The following STK3 variants were observed in gnomAD, a reference collection of about 807,000 sequenced individuals.
STK3 encodes serine/threonine kinase 3, also known as serine/threonine-protein kinase 3.
A neutral mutation model predicts 58.0 loss-of-function variants in STK3; 41 were observed. The ratio of observed to expected loss-of-function variants is 0.71; its 90% CI spans 0.55 to 0.92. The LOEUF (loss-of-function observed/expected upper bound fraction) is 0.92. Among genes scored for constraint, STK3 ranks in the 40% least tolerant of loss-of-function variants. The probability of loss-of-function intolerance (pLI) is 0.00; values close to 1 mark genes in which losing one functional copy is unlikely to be tolerated. For missense variants in STK3, 479 were observed against 602.7 expected, an observed-to-expected ratio of 0.79 and a Z score of 2.15; for synonymous variants, 170 against 191.0, an observed-to-expected ratio of 0.89 and a Z score of 0.91.
At chr8:98,538,148 A>G (rs1809935577) in intron 9 of STK3, among the ~76,000 whole-genome samples, 1 of 152,244 alleles carries the variant, frequency 6.6e-6, no homozygotes. Flanking sequence ...AAAAAGATTT[A>G]TGAAGATTAC....
At chr8:98,851,739 T>A (rs940149257) in intron 3 of STK3, among the ~76,000 whole-genome samples, 6 of 152,184 alleles carry the variant, frequency 3.9e-5, no homozygotes, top group Non-Finnish European at 7.3e-5. Flanking sequence ...GGCAGGAGAA[T>A]CGCTTGAGGC....
chr8:98,738,607 G>A (rs1175719675), intron 4 of STK3, among the ~76,000 whole-genome samples: 1 of 152,190 alleles, frequency 6.6e-6, no homozygotes, highest in Non-Finnish European at 1.5e-5. Context: ...CTGGATCCGG[G>A]AGCCAAGATG....
rs112235618 is a variant in STK3 at position 98,493,779 on chromosome 8, A to G, written c.1317+32963T>C. Among the ~76,000 whole-genome samples the G allele has an allele frequency of 8.8e-4, 134 of 152,310 alleles. 1 individual carries two copies. The highest frequency in any genetic ancestry group is 3.2e-3 in the African/African-American group (132 of 41,560). Reference sequence around the variant, plus strand: ...TCTTTCTGAATGTCTGATGGTACTTATATAACCAAAATGAATTCATCATAT... The same window carrying G: ...TCTTTCTGAATGTCTGATGGTACTTGTATAACCAAAATGAATTCATCATAT... On this transcript the variant is annotated intron_variant, in intron 10 of 10. Coordinates refer to ENST00000419617, the MANE Select transcript of STK3 (RefSeq NM_006281.4).
intron 3 of STK3, among the ~76,000 whole-genome samples, chr8:98,433,447 G>A (rs961406224): frequency 6.6e-6 from 1 of 152,140 alleles, no homozygotes; most frequent in Non-Finnish European, 1.5e-5. Context: ...CTGAGTATGG[G>A]CCGGTCCAAA....
intron 6 of STK3, among the ~76,000 whole-genome samples, chr8:98,639,109 A>G (rs1410909869): frequency 1.4e-5 from 2 of 146,650 alleles, no homozygotes; most frequent in East Asian, 4.0e-4. Flanking sequence ...AAGGAGATAC[A>G]CTTTTTTTTT....
intron 3 of STK3, among the ~76,000 whole-genome samples, chr8:98,420,673 A>G (rs1007539165): frequency 2.6e-5 from 4 of 152,180 alleles, no homozygotes; most frequent in African/African-American, 9.7e-5. Context: ...TGGATACCAC[A>G]GAGACATGTT....
At chr8:98,629,967 T>C (rs1413954768) in intron 6 of STK3, among the ~76,000 whole-genome samples, 1 of 152,138 alleles carries the variant, frequency 6.6e-6, no homozygotes, top group Non-Finnish European at 1.5e-5. Flanking sequence ...ATCAAACAAC[T>C]TGGGGGCTGC....
intron 6 of STK3, among the ~76,000 whole-genome samples, chr8:98,655,654 C>CGGGT: frequency 1.3e-5 from 2 of 151,642 alleles, no homozygotes; most frequent in South Asian, 4.2e-4. Context: ...AAACAAACAA[C>CGGGT]CCCATCAAAA....
intron 10 of STK3, among the ~76,000 whole-genome samples, chr8:98,506,600 A>G (rs1270524670): frequency 6.6e-6 from 1 of 152,144 alleles, no homozygotes; most frequent in Admixed American, 6.6e-5. Flanking sequence ...AATCCCAGCT[A>G]CTTGGGAGGC....
chr8:98,743,544 G>T (rs1209167650), intron 4 of STK3, among the ~76,000 whole-genome samples: 1 of 152,162 alleles, frequency 6.6e-6, no homozygotes, highest in Non-Finnish European at 1.5e-5. Flanking sequence ...GTAGAAAGCT[G>T]AAACTGGATC....
chr8:98,464,661 C>G (rs889626164), intron 10 of STK3, among the ~76,000 whole-genome samples: 2 of 151,012 alleles, frequency 1.3e-5, no homozygotes, highest in Admixed American at 6.6e-5. Context: ...AAAAAAGGAG[C>G]ATTCTAGTCA....
rs1186674563 is a variant in STK3 at position 98,548,146 on chromosome 8, C to G, written c.964G>C (p.Asp322His). 6.4e-7 allele frequency: 1 copy of G among 1,554,494 alleles called. No homozygotes were observed. Among genetic ancestry groups the G allele is most frequent in the Admixed American group, 2.0e-5 (1 of 50,704 alleles). The change falls in exon 9 of 11, where the codon GAT becomes CAT. Residue 322 changes from aspartate to histidine, a missense_variant. By Grantham distance (81) the Asp-to-His change is moderately conservative. Around this residue, in one of 3 missense-constraint regions of STK3, gnomAD observed 309 missense variants for 355.7 expected, o/e 0.87. Coordinates refer to ENST00000419617, the MANE Select transcript of STK3 (RefSeq NM_006281.4). ...EEENSDEDEL[D>H]SHTMVKTSVE... ...CTAGTCTTCACCATGGTGTGGGAATCCAGCTCATCTTCATCCTGCAAGCAA... is the reference window on the plus strand; with the variant it reads ...CTAGTCTTCACCATGGTGTGGGAATGCAGCTCATCTTCATCCTGCAAGCAA...
At chr8:98,796,953 G>A (rs780987327) in intron 1 of STK3, among the ~76,000 whole-genome samples, 2 of 152,078 alleles carry the variant, frequency 1.3e-5, no homozygotes, top group Non-Finnish European at 2.9e-5. Flanking sequence ...TCAGGCCTCG[G>A]ATTTCTGGAC....
the STK3 span, among the ~76,000 whole-genome samples, chr8:98,347,510 G>T: frequency 6.8e-6 from 1 of 146,972 alleles, no homozygotes; most frequent in Non-Finnish European, 1.5e-5. Flanking sequence ...GCGAGACTCC[G>T]TCTCAAAAAA....
intron 3 of STK3, among the ~76,000 whole-genome samples, chr8:98,871,833 T>G (rs1197593112): frequency 1.3e-5 from 2 of 152,212 alleles, no homozygotes; most frequent in African/African-American, 4.8e-5. Flanking sequence ...ATACCCTTTA[T>G]TTCTTTCTCT....
intron 4 of STK3, among the ~76,000 whole-genome samples, chr8:98,726,131 T>C (rs1230614790): frequency 6.6e-6 from 1 of 152,128 alleles, no homozygotes; most frequent in African/African-American, 2.4e-5. Flanking sequence ...CAGAGGAATG[T>C]ACAATACAAA....
At chr8:98,367,434 G>C (rs531677682), downstream of STK3, among the ~76,000 whole-genome samples, 176 of 152,228 alleles carry the variant, frequency 1.2e-3, 1 homozygote, top group Non-Finnish European at 2.0e-3. Context: ...GCAACAGGAA[G>C]GCCAGAATAT....
chr8:98,795,817 A>AATACG (rs1318213030), intron 1 of STK3, among the ~76,000 whole-genome samples: 1 of 133,206 alleles, frequency 7.5e-6, no homozygotes, highest in Non-Finnish European at 1.6e-5. Context: ...AATACAATAC[A>AATACG]ATACAATACA....
intron 3 of STK3, chr8:98,413,757 C>A: frequency 1.4e-6 from 1 of 700,972 alleles, no homozygotes; most frequent in Non-Finnish European, 2.7e-6. Flanking sequence ...ATGCCTGACC[C>A]CATGAGAGGA....
Sources: allele counts gnomAD v4.1 joint callset (sites outside exome capture counted in the v4.1 genomes callset), GRCh38; gene constraint gnomAD v4.1.1; regional missense constraint gnomAD v4.1.1; transcripts MANE v1.5; gene names NCBI Gene and HGNC (gene_info 2026-07-23, HGNC 2026-07-21).